The following MICALL1 variants were observed in gnomAD, a reference collection of about 807,000 sequenced individuals.
MICALL1 encodes the protein MICAL-like protein 1.
A neutral mutation model predicts 83.7 loss-of-function variants in MICALL1; 61 were observed. That is an observed-to-expected ratio of 0.73 (90% CI 0.59 to 0.90). The LOEUF (loss-of-function observed/expected upper bound fraction) is 0.90. MICALL1 is among the 40% of genes least tolerant of loss of function. MICALL1 has a pLI of 0.00. For missense variants in MICALL1, 1,066 were observed against 1,152.0 expected, an observed-to-expected ratio of 0.93 and a Z score of 1.08; for synonymous variants, 481 against 473.6, an observed-to-expected ratio of 1.02 and a Z score of -0.20.
chr22:37,920,704 G>A (rs1928975470), intron 5 of MICALL1, among the ~76,000 whole-genome samples: 1 of 151,704 alleles, frequency 6.6e-6, no homozygotes, highest in African/African-American at 2.4e-5. Context: ...GGTGGATCAC[G>A]AGGTCAGGAG....
At chr22:37,933,359 C>T (rs941941070) in intron 13 of MICALL1, among the ~76,000 whole-genome samples, 12 of 152,040 alleles carry the variant, frequency 7.9e-5, no homozygotes, top group Non-Finnish European at 1.8e-4. Context: ...TGTGGACGTC[C>T]GAGGGACCAG....
In MICALL1 at chr22:37,911,953, G is replaced by T. The variant is rs1308613059; in HGVS notation, c.148G>T (p.Asp50Tyr). The stretch of plus-strand genomic sequence containing the variant: ...CCCTCCTCCCTTTGCCTCTTGCAGA[G>T]ATTTTGATTCGCTTTCCAAGGACAA... ...ILHRHRPDLL[D>Y]FDSLSKDNVF... is the part of the protein sequence containing the mutation. Residue 50 changes from aspartate (D) to tyrosine (Y), a missense_variant and splice_region_variant, in exon 2 of 16, where the codon GAT (aspartate) becomes TAT (tyrosine). Transcript: ENST00000215957. 2 of 1,614,166 alleles carry T rather than the reference G, an allele frequency of 1.2e-6. No homozygotes were observed. The highest frequency in any genetic ancestry group is 2.2e-5 in the South Asian group (2 of 91,084).
chr22:37,918,659 A>C (rs560218210), intron 4 of MICALL1, among the ~76,000 whole-genome samples: 27 of 152,216 alleles, frequency 1.8e-4, no homozygotes, highest in Non-Finnish European at 3.5e-4. Flanking sequence ...GGAACCTGTC[A>C]GGGGGGCTCC....
chr22:37,938,066 G>T (rs976783884), intron 15 of MICALL1, among the ~76,000 whole-genome samples: 1 of 152,164 alleles, frequency 6.6e-6, no homozygotes, highest in Non-Finnish European at 1.5e-5. Context: ...TCCCAGGGTG[G>T]ATTTGCCCTC....
intron 3 of MICALL1, 109 bp from the exon 4 acceptor site, chr22:37,917,598 G>A (rs1288122281): frequency 1.4e-5 from 13 of 948,066 alleles, no homozygotes; most frequent in Non-Finnish European, 2.2e-5. Context: ...GCATTAGGTG[G>A]TCTGCCTTTA....
chr22:37,939,170 T>A (rs1252980631), intron 15 of MICALL1, among the ~76,000 whole-genome samples: 1 of 152,186 alleles, frequency 6.6e-6, no homozygotes, highest in African/African-American at 2.4e-5. Flanking sequence ...CTGGCACTTA[T>A]GAGCTGGGTG....
chr22:37,931,835 T>A lies in MICALL1; in HGVS notation c.1918T>A (p.Ser640Thr), dbSNP rs778952543. The change falls in exon 10 of 16, where the codon TCA (serine) becomes ACA (threonine). Residue 640 changes from serine (S) to threonine (T), a missense_variant. Physicochemically the swap from Ser to Thr is moderately conservative, Grantham distance 58. Coordinates refer to ENST00000215957, the MANE Select transcript of MICALL1 (RefSeq NM_033386.4). ...CKENPFNRKP[S>T]PAASPATKKA... is the part of the protein sequence containing the mutation. The stretch of plus-strand genomic sequence containing the variant: ...GGAGAATCCTTTTAACCGGAAGCCA[T>A]CACCTGCAGCGTCCCCAGCCACAAA... 6.2e-7 allele frequency: 1 copy of A among 1,613,980 alleles called. No homozygotes were observed. The highest frequency in any genetic ancestry group is 1.7e-5 in the Admixed American group (1 of 59,998).
chr22:37,939,139 A>G (rs1030654760), intron 15 of MICALL1, among the ~76,000 whole-genome samples: 10 of 152,148 alleles, frequency 6.6e-5, no homozygotes, highest in African/African-American at 2.4e-4. Context: ...AAGTCAGACT[A>G]CTTGAGTTCT....
intron 9 of MICALL1, among the ~76,000 whole-genome samples, chr22:37,929,604 G>A (rs1175233991): frequency 1.3e-5 from 2 of 152,054 alleles, no homozygotes; most frequent in African/African-American, 4.8e-5. Context: ...GGTTCTGGCT[G>A]GGCACCCATC....
chr22:37,927,316 C>T, intron 8 of MICALL1, 95 bp from the exon 9 acceptor site: 10 of 1,366,116 alleles, frequency 7.3e-6, no homozygotes, highest in Non-Finnish European at 9.6e-6. Context: ...GTTTCTGGGG[C>T]TGCCTGCGGC....
chr22:37,914,374 C>T (rs2145887505), intron 3 of MICALL1, among the ~76,000 whole-genome samples: 1 of 150,670 alleles, frequency 6.6e-6, no homozygotes, highest in Admixed American at 6.6e-5. Context: ...TTACAGGCAC[C>T]CGCCACCACA....
chr22:37,916,660 G>C (rs1447992638), intron 3 of MICALL1, among the ~76,000 whole-genome samples: 1 of 152,180 alleles, frequency 6.6e-6, no homozygotes, highest in Non-Finnish European at 1.5e-5. Flanking sequence ...CAGTGACCCC[G>C]GGCACAACAG....
At chr22:37,911,903 C>T (rs771612835) in intron 1 of MICALL1, 49 bp from the exon 2 acceptor site, 5 of 1,598,832 alleles carry the variant, frequency 3.1e-6, no homozygotes, top group East Asian at 2.2e-5. Context: ...GCCCCTATTT[C>T]CCAGTCACCT....
chr22:37,912,464 T>C lies in MICALL1; in HGVS notation c.309T>C (p.Tyr103=), dbSNP rs780933002. The part of the protein sequence containing the change: ...CLSIMTYVSQ[Y]YNHFCSPGQA... ...GCATCATGACCTATGTGTCCCAGTA[T>C]TACAACCACTTCTGCAGTCCTGGCC... Residue 103 remains tyrosine (Y), a synonymous_variant, in exon 3 of 16, where the codon TAT becomes TAC. Coordinates refer to ENST00000215957, the MANE Select transcript of MICALL1 (RefSeq NM_033386.4). The C allele has an allele frequency of 6.2e-7, 1 of 1,613,252 alleles. No homozygotes were observed. Among genetic ancestry groups the C allele is most frequent in the South Asian group, 1.1e-5 (1 of 91,044 alleles).
At chr22:37,925,332 C>A (rs192365031) in intron 7 of MICALL1, among the ~76,000 whole-genome samples, 226 of 152,218 alleles carry the variant, frequency 1.5e-3, no homozygotes, top group African/African-American at 5.0e-3. Context: ...TTATTAAGGT[C>A]CCCATTGAGT....
In MICALL1 at chr22:37,932,037, C is replaced by G. The variant is rs1159259092; in HGVS notation, c.2016+104C>G. The G allele has an allele frequency of 1.0e-5, 15 of 1,485,990 alleles. No homozygotes were observed. The highest frequency in any genetic ancestry group is 2.1e-5 in the Admixed American group (1 of 46,606). 92.1% of individuals were successfully genotyped at this position (1,485,990 alleles called of 1,614,324 possible). A position where few individuals can be genotyped will look rare whatever the true frequency, so the allele number is the denominator to read the frequency against. On this transcript the variant is annotated intron_variant, in intron 10 of 15. Coordinates refer to ENST00000215957, the MANE Select transcript of MICALL1 (RefSeq NM_033386.4). The surrounding 1 kb of genome is among the most constrained non-coding windows in gnomAD (Gnocchi z 4.4). The stretch of plus-strand genomic sequence containing the variant: ...ACTCTAAGGAGGCTGGCTGGCTAGG[C>G]AGTGGGCCTCAGATGCTCAAGAGAG...
intron 2 of MICALL1, 141 bp from the exon 3 acceptor site, chr22:37,912,210 G>T: frequency 8.6e-7 from 1 of 1,165,194 alleles, no homozygotes; most frequent in Non-Finnish European, 1.2e-6. Flanking sequence ...TGTGGTGCTT[G>T]GGTGGGATTA....
intron 9 of MICALL1, among the ~76,000 whole-genome samples, chr22:37,931,291 C>G (rs1929771267): frequency 6.6e-6 from 1 of 152,094 alleles, no homozygotes; most frequent in African/African-American, 2.4e-5. Context: ...GTGGTAATCC[C>G]AGCACTTTGG....
chr22:37,913,783 C>T (rs560245281), intron 3 of MICALL1, among the ~76,000 whole-genome samples: 4 of 152,218 alleles, frequency 2.6e-5, no homozygotes, highest in African/African-American at 7.2e-5. Context: ...CTGAATCCAA[C>T]GCTGGATTCC....
Sources: allele counts gnomAD v4.1 joint callset (sites outside exome capture counted in the v4.1 genomes callset), GRCh38; gene constraint gnomAD v4.1.1; non-coding constraint Gnocchi (gnomAD v3.1); transcripts MANE v1.5; gene names NCBI Gene and HGNC (gene_info 2026-07-23, HGNC 2026-07-21).